The following IFT57 variants were observed in gnomAD, a reference collection of about 807,000 sequenced individuals.
IFT57 encodes the protein intraflagellar transport protein 57 homolog.
In IFT57, 59 loss-of-function variants were observed where a neutral mutation model predicts 56.8. The observed-to-expected ratio is 1.04, with a 90% CI of 0.84 to 1.29. The LOEUF (loss-of-function observed/expected upper bound fraction) is 1.29. Among genes scored for constraint, IFT57 ranks in the 50% most tolerant of loss-of-function variants. IFT57 has a pLI of 0.00. For missense variants in IFT57, 470 were observed against 522.1 expected, an observed-to-expected ratio of 0.90 and a Z score of 0.97; for synonymous variants, 209 against 186.1, an observed-to-expected ratio of 1.12 and a Z score of -1.00.
intron 5 of IFT57, among the ~76,000 whole-genome samples, chr3:108,203,221 C>T (rs1287943053): frequency 6.6e-6 from 1 of 152,192 alleles, no homozygotes; most frequent in Non-Finnish European, 1.5e-5. Context: ...TTTGTCAGGC[C>T]CGTATCACAG....
intron 2 of IFT57, among the ~76,000 whole-genome samples, chr3:108,219,169 C>G (rs993083814): frequency 1.8e-4 from 28 of 151,686 alleles, no homozygotes; most frequent in African/African-American, 6.8e-4. Flanking sequence ...CCAAAATTTA[C>G]CTCTCAGATA....
chr3:108,208,974 G>T (rs2080328628), intron 4 of IFT57, among the ~76,000 whole-genome samples: 1 of 152,132 alleles, frequency 6.6e-6, no homozygotes, highest in African/African-American at 2.4e-5. Context: ...CTACTTAATG[G>T]CCCAGACACT....
chr3:108,219,627 A>G, intron 1 of IFT57, 55 bp from the exon 2 acceptor site: 1 of 1,535,892 alleles, frequency 6.5e-7, no homozygotes, highest in Non-Finnish European at 9.0e-7. Flanking sequence ...AAATAAGTCT[A>G]TAATAACTAA....
Position 108,213,972 on chromosome 3 carries a change from C to T in IFT57, c.544G>A (p.Asp182Asn). 6.2e-7 allele frequency: 1 copy of T among 1,610,510 alleles called. No individual in the cohort carries two copies. Among genetic ancestry groups the T allele is most frequent in the Non-Finnish European group, 8.5e-7 (1 of 1,177,038 alleles). ...ELEEESVAED[D>N]AELTLNKVDE... ...ACTTTATTTAATGTTAATTCTGCAT[C>T]ATCTTCTGCAACGCTTTCTTCTTCT... is the stretch of plus-strand genomic sequence containing the variant. The change falls in exon 4 of 11, where the codon GAT (aspartate) becomes AAT (asparagine). Residue 182 changes from aspartate to asparagine, a missense_variant. Transcript: ENST00000264538.
intron 5 of IFT57, among the ~76,000 whole-genome samples, chr3:108,204,189 T>G (rs927771285): frequency 6.6e-6 from 1 of 152,186 alleles, no homozygotes; most frequent in African/African-American, 2.4e-5. Context: ...CTTGCCAGGT[T>G]TTTTAAAATA....
chr3:108,165,828 C>T (rs556788656), intron 8 of IFT57, among the ~76,000 whole-genome samples: 39 of 152,046 alleles, frequency 2.6e-4, no homozygotes, highest in Admixed American at 1.6e-3. Context: ...TTGCATGCTC[C>T]GCAGAGAAAG....
At chr3:108,192,954 C>T (rs112090110) in intron 5 of IFT57, among the ~76,000 whole-genome samples, 36 of 151,732 alleles carry the variant, frequency 2.4e-4, no homozygotes, top group South Asian at 2.3e-3. Context: ...AAAAGGGAGG[C>T]GGCTTTAAAT....
intron 1 of IFT57, 62 bp downstream of exon 1, chr3:108,222,049 C>T (rs908130916): frequency 6.5e-7 from 1 of 1,549,402 alleles, no homozygotes; most frequent in Admixed American, 2.0e-5. Flanking sequence ...CCAGCAGGAC[C>T]AAGGAGGGCA....
intron 6 of IFT57, among the ~76,000 whole-genome samples, chr3:108,168,215 A>G (rs2080073508): frequency 6.6e-6 from 1 of 151,966 alleles, no homozygotes; most frequent in Non-Finnish European, 1.5e-5. Context: ...TATGTTTGCC[A>G]AAAGCAATTC....
At chr3:108,170,021 G>A (rs1476152516) in intron 6 of IFT57, among the ~76,000 whole-genome samples, 2 of 151,930 alleles carry the variant, frequency 1.3e-5, no homozygotes, top group East Asian at 3.9e-4. Context: ...AGCTATTTAT[G>A]ACAAACCCAT....
chr3:108,220,513 AG>A (rs2080399735), intron 1 of IFT57, among the ~76,000 whole-genome samples: 1 of 152,342 alleles, frequency 6.6e-6, no homozygotes, highest in African/African-American at 2.4e-5. Context: ...AAAGCTGGGA[AG>A]AAAAAAGGCC....
At chr3:108,167,578 T>TTA (rs1491095691) in intron 7 of IFT57, among the ~76,000 whole-genome samples, 2 of 149,218 alleles carry the variant, frequency 1.3e-5, no homozygotes, top group African/African-American at 2.4e-5. Context: ...CATATATATC[T>TTA]TATATATATA....
At chr3:108,217,195 T>C (rs930277793) in intron 3 of IFT57, among the ~76,000 whole-genome samples, 4 of 152,110 alleles carry the variant, frequency 2.6e-5, no homozygotes, top group African/African-American at 9.7e-5. Flanking sequence ...TATCGAAACA[T>C]CACATTGTAC....
chr3:108,166,740 T>A (rs1025134879), intron 8 of IFT57, 114 bp downstream of exon 8: 1 of 825,346 alleles, frequency 1.2e-6, no homozygotes, highest in Non-Finnish European at 1.8e-6. Flanking sequence ...AGAAAATTGA[T>A]GTTTTGCTGT....
At chr3:108,191,333 C>T (rs911858573) in intron 6 of IFT57, among the ~76,000 whole-genome samples, 188 bp downstream of exon 6, 3 of 152,118 alleles carry the variant, frequency 2.0e-5, no homozygotes, top group African/African-American at 7.2e-5. Flanking sequence ...CTTTGCTTTG[C>T]TTTTTGGACC....
intron 5 of IFT57, among the ~76,000 whole-genome samples, chr3:108,204,296 A>G (rs779527358): frequency 6.6e-6 from 1 of 151,662 alleles, no homozygotes; most frequent in Non-Finnish European, 1.5e-5. Context: ...AACTATACAT[A>G]GTCTTAGCTC....
rs555718852 is a variant in IFT57 at position 108,180,671 on chromosome 3, G to A, written c.777+10850C>T. On this transcript the variant is annotated intron_variant, in intron 6 of 10. Transcript: ENST00000264538. ...AATAAATGGGATAAAAACCATAGGC[G>A]TAAAATTTGTTAGAATATTAAGAAA... 1.4e-4 allele frequency among the ~76,000 whole-genome samples: 21 copies of A among 151,984 alleles called. No individual in the cohort carries two copies. The South Asian group carries it at 1.9e-3, about 14-fold the overall frequency.
At chr3:108,167,946 T>A in intron 6 of IFT57, 82 bp from the exon 7 acceptor site, 2 of 1,045,242 alleles carry the variant, frequency 1.9e-6, no homozygotes, top group South Asian at 1.8e-5. Flanking sequence ...TTGTAACCTT[T>A]AATTACTTTG....
At chr3:108,205,462 T>C (rs1164141127) in intron 5 of IFT57, among the ~76,000 whole-genome samples, 2 of 151,814 alleles carry the variant, frequency 1.3e-5, no homozygotes, top group Non-Finnish European at 2.9e-5. Context: ...GACACATATA[T>C]GCATCATTAA....
Sources: allele counts gnomAD v4.1 joint callset (sites outside exome capture counted in the v4.1 genomes callset), GRCh38; gene constraint gnomAD v4.1.1; transcripts MANE v1.5; gene names NCBI Gene and HGNC (gene_info 2026-07-23, HGNC 2026-07-21).